Variants in ANXA8 observed in about 807,000 individuals in gnomAD.
ANXA8 encodes the protein VAC-beta.
ANXA8 carries 9 observed loss-of-function variants against 26.8 expected under a neutral mutation model. The ratio of observed to expected loss-of-function variants is 0.34; its 90% CI spans 0.20 to 0.59. ANXA8 has a LOEUF of 0.59. Ranked by LOEUF, ANXA8 falls within the 20% of genes least tolerant of loss-of-function variation. ANXA8 has a pLI of 0.84. For synonymous variants in ANXA8, 39 were observed against 94.8 expected (o/e 0.41, Z 3.42); for missense variants, 83 against 238.5 (o/e 0.35, Z 4.29).
At chr10:47,598,743 CAG>C in the ANXA8 span, among the ~76,000 whole-genome samples, 1 of 150,910 alleles carries the variant, frequency 6.6e-6, no homozygotes, top group African/African-American at 2.4e-5. Flanking sequence ...GACTCCAAAA[CAG>C]GGGAAGGAAG....
the ANXA8 span, among the ~76,000 whole-genome samples, chr10:47,943,593 C>T: frequency 6.6e-6 from 1 of 150,956 alleles, no homozygotes; most frequent in Non-Finnish European, 1.5e-5. Flanking sequence ...TGAGCCGAGT[C>T]ACTGAGGCCT....
the ANXA8 span, chr10:47,589,022 C>T: frequency 6.9e-6 from 1 of 145,238 alleles, no homozygotes; most frequent in African/African-American, 2.8e-5. Flanking sequence ...TCATGGTGCC[C>T]AGGTTGGTCT....
At chr10:47,510,974 C>T in the ANXA8 span, among the ~76,000 whole-genome samples, 14 of 130,726 alleles carry the variant, frequency 1.1e-4, 1 homozygote, top group African/African-American at 2.1e-4. Flanking sequence ...GACGGAGTCT[C>T]GCTCTGTAGC....
At chr10:47,639,167 G>T in the ANXA8 span, among the ~76,000 whole-genome samples, 2 of 144,902 alleles carry the variant, frequency 1.4e-5, no homozygotes, top group Admixed American at 6.8e-5. Context: ...GTCTCGCTCT[G>T]TCGCCCAGGC....
At chr10:47,778,799 A>T in the ANXA8 span, among the ~76,000 whole-genome samples, 4 of 151,790 alleles carry the variant, frequency 2.6e-5, no homozygotes, top group Non-Finnish European at 5.9e-5. Flanking sequence ...ATAATTCAAA[A>T]TATACCCATT....
At position 47,468,859 on chromosome 10, in the gene ANXA8, G is replaced by A. The variant is rs1244006403; in HGVS notation, c.972C>T (p.Gly324=). 5.0e-6 allele frequency: 8 copies of A among 1,610,818 alleles called. No individual in the cohort carries two copies. Among genetic ancestry groups the A allele is most frequent in the Non-Finnish European group, 6.8e-6 (8 of 1,179,722 alleles). ...GTTCTTCTGTGCCTCAGGGGTCGCT[G>A]CCCACCAGGCTCAGCAGGGCGTTCT... ...DYKNALLSLV[G]SDP is the part of the protein sequence containing the mutation. Residue 324 remains glycine (G), a synonymous_variant, in exon 12 of 12, where the codon GGC becomes GGT. Coordinates refer to ENST00000585281, the MANE Select transcript of ANXA8 (RefSeq NM_001040084.3).
chr10:47,970,860 G>A, the ANXA8 span, among the ~76,000 whole-genome samples: 1 of 151,306 alleles, frequency 6.6e-6, no homozygotes, highest in Non-Finnish European at 1.5e-5. Flanking sequence ...TGAGGGAGGT[G>A]CCAGCTAAGG....
chr10:47,656,259 A>G, the ANXA8 span, among the ~76,000 whole-genome samples: 2 of 151,592 alleles, frequency 1.3e-5, no homozygotes, highest in East Asian at 1.9e-4. Context: ...TTAGTCAGGT[A>G]TGGTGGCATG....
chr10:47,623,790 C>T, the ANXA8 span, among the ~76,000 whole-genome samples: 1 of 110,748 alleles, frequency 9.0e-6, no homozygotes, highest in Non-Finnish European at 2.0e-5. Flanking sequence ...TTCTTCAGTC[C>T]TTTTTTAGAT....
At chr10:47,745,278 GT>G in the ANXA8 span, among the ~76,000 whole-genome samples, 1 of 145,908 alleles carries the variant, frequency 6.9e-6, no homozygotes, top group East Asian at 2.1e-4. Context: ...TTGTCTCAGA[GT>G]GGGGTTAGCA....
chr10:47,501,349 A>T, the ANXA8 span, among the ~76,000 whole-genome samples: 2 of 144,014 alleles, frequency 1.4e-5, no homozygotes, highest in East Asian at 2.7e-4. Context: ...GCCCAGCCTA[A>T]CTGTAACCCT....
At chr10:47,694,228 T>G in the ANXA8 span, among the ~76,000 whole-genome samples, 16 of 151,586 alleles carry the variant, frequency 1.1e-4, no homozygotes, top group Non-Finnish European at 1.6e-4. Context: ...ATTTTTTTTG[T>G]CTTTTTAAGA....
chr10:47,522,164 A>G, the ANXA8 span, among the ~76,000 whole-genome samples: 3 of 141,788 alleles, frequency 2.1e-5, no homozygotes, highest in African/African-American at 7.9e-5. Context: ...CACGGCAACA[A>G]ACACTCTTAC....
At chr10:47,750,160 G>A in the ANXA8 span, among the ~76,000 whole-genome samples, 3 of 152,026 alleles carry the variant, frequency 2.0e-5, no homozygotes, top group Admixed American at 6.5e-5. Context: ...CAGTAAAGAC[G>A]TAGATAATTT....
At chr10:47,669,572 C>T in the ANXA8 span, among the ~76,000 whole-genome samples, 8 of 151,774 alleles carry the variant, frequency 5.3e-5, no homozygotes, top group Non-Finnish European at 5.9e-5. Flanking sequence ...AAAATTAACC[C>T]GGTGTGGTGG....
At chr10:47,921,210 GTGTGCTGA>G in the ANXA8 span, among the ~76,000 whole-genome samples, 2 of 129,908 alleles carry the variant, frequency 1.5e-5, no homozygotes, top group African/African-American at 5.6e-5. Flanking sequence ...GAAGAAGCTG[GTGTGCTGA>G]TGAGCCAGGC....
At chr10:47,502,458 C>G in the ANXA8 span, 43 of 1,612,754 alleles carry the variant, frequency 2.7e-5, no homozygotes, top group Non-Finnish European at 3.5e-5. Context: ...CCCTCGTGGA[C>G]TTTATTGAGG....
the ANXA8 span, among the ~76,000 whole-genome samples, chr10:47,949,044 T>C: frequency 7.7e-6 from 1 of 130,264 alleles, no homozygotes. Context: ...AAGTACACCA[T>C]TGGCTCTGCT....
At chr10:47,484,816 A>T (rs1839999597), upstream of ANXA8, 2 of 490,902 alleles carry the variant, frequency 4.1e-6, no homozygotes, top group Non-Finnish European at 7.0e-6. Context: ...GGGCATCAGG[A>T]GGGGCTTCTC....
Sources: gnomAD v4.1 joint callset for allele counts (sites outside exome capture counted in the v4.1 genomes callset) on GRCh38, gnomAD v4.1.1 for gene constraint, MANE v1.5 for transcripts, NCBI Gene and HGNC (gene_info 2026-07-23, HGNC 2026-07-21) for gene names.